The following GBX2 variants were observed in gnomAD, a reference collection of about 807,000 sequenced individuals.
GBX2 encodes the protein homeobox protein GBX-2.
GBX2 carries 5 observed loss-of-function variants against 22.4 expected under a neutral mutation model. The observed-to-expected ratio is 0.22, with a 90% CI of 0.12 to 0.47. GBX2 has a LOEUF of 0.47. GBX2 is among the 20% of genes least tolerant of loss of function. The probability of loss-of-function intolerance (pLI) is 0.99; values close to 1 mark genes in which losing one functional copy is unlikely to be tolerated. For missense variants in GBX2, 470 were observed against 495.4 expected (o/e 0.95, Z 0.49); for synonymous variants, 220 against 230.5 (o/e 0.95, Z 0.41).
chr2:236,165,182 C>A (rs2060231151), downstream of GBX2: 1 of 152,196 alleles, frequency 6.6e-6, no homozygotes, highest in South Asian at 2.1e-4. Context: ...CCCGGCCACA[C>A]CCTGGCAGTG....
At chr2:236,165,046 G>T (rs892503760), downstream of GBX2, among the ~76,000 whole-genome samples, 1 of 152,138 alleles carries the variant, frequency 6.6e-6, no homozygotes, top group African/African-American at 2.4e-5. Context: ...TCTTAAATTC[G>T]TAATCCTATC....
Position 236,165,971 on chromosome 2 carries a change from G to A in GBX2, c.990C>T (p.His330=), listed in dbSNP as rs1480943825. 2 of 1,614,162 alleles carry A rather than the reference G, an allele frequency of 1.2e-6. No homozygotes were observed. Among genetic ancestry groups the A allele is most frequent in the Non-Finnish European group, 1.7e-6 (2 of 1,180,006 alleles). Reference sequence around the variant, plus strand: ...GACTTCTGATAGCGAACCTGCTGACGTGGACAGGGATGGGGACGACGATCT... The same window carrying A: ...GACTTCTGATAGCGAACCTGCTGACATGGACAGGGATGGGGACGACGATCT... ...NPKIVVPIPV[H]VSRFAIRSQH... The change falls in exon 2 of 2, where the codon CAC becomes CAT. Residue 330 remains histidine, a synonymous_variant. Coordinates refer to ENST00000306318, the MANE Select transcript of GBX2 (RefSeq NM_001485.4).
At chr2:236,163,765 T>C (rs966624011), downstream of GBX2, among the ~76,000 whole-genome samples, 3 of 152,124 alleles carry the variant, frequency 2.0e-5, no homozygotes, top group African/African-American at 7.2e-5. Context: ...GGCCAGTGGG[T>C]ACCTGCCCCG....
chr2:236,167,426 G>A (rs1207789297), intron 1 of GBX2, 23 bp downstream of exon 1: 16 of 1,455,604 alleles, frequency 1.1e-5, no homozygotes, highest in South Asian at 4.0e-5. Context: ...CCCTCGTCCC[G>A]GCTGCGCGCG....
At chr2:236,162,210 C>T (rs184889857), downstream of GBX2, among the ~76,000 whole-genome samples, 16 of 152,214 alleles carry the variant, frequency 1.1e-4, no homozygotes, top group East Asian at 1.9e-4. Flanking sequence ...GAAGGCCAGA[C>T]GCACAGACAG....
Position 236,167,871 on chromosome 2 carries a change from G to T in GBX2, c.101C>A (p.Pro34His). 1.3e-6 allele frequency: 2 copies of T among 1,546,950 alleles called. No individual in the cohort carries two copies. The highest frequency in any genetic ancestry group is 1.4e-5 in the African/African-American group (1 of 70,196). Residue 34 changes from proline (P) to histidine (H), a missense_variant, in exon 1 of 2, where the codon CCC (proline) becomes CAC (histidine). Physicochemically the swap from Pro to His is moderately conservative, Grantham distance 77. Coordinates refer to ENST00000306318, the MANE Select transcript of GBX2 (RefSeq NM_001485.4). ...IDSLIGSPPQ[P>H]SPGHFVYTGY... The stretch of plus-strand genomic sequence containing the variant: ...GGTGTAGACGAAATGGCCGGGGCTG[G>T]GCTGCGGCGGGCTGCCGATCAGCGA...
chr2:236,166,530 C>T lies in GBX2; in HGVS notation c.524-93G>A. ...TCATTTGGACATTCCGCGCCCCCCG[C>T]CCCCCACCCTTTAGCGGATTGTCTT... On this transcript the variant is annotated intron_variant, in intron 1 of 1. Coordinates refer to ENST00000306318, the MANE Select transcript of GBX2 (RefSeq NM_001485.4). This position sits in a 1 kb window ranked among gnomAD's most constrained non-coding sequence, Gnocchi z 6.6. 1 of 1,109,286 alleles carries T rather than the reference C, an allele frequency of 9.0e-7. No homozygotes were observed. The highest frequency in any genetic ancestry group is 1.3e-6 in the Non-Finnish European group (1 of 759,148). 68.7% of individuals were successfully genotyped at this position (1,109,286 alleles called of 1,614,324 possible).
At position 236,168,246 on chromosome 2, in the gene GBX2, C is replaced by A; in HGVS notation, c.-275G>T. ...CCGTCCGCCGCTTGCCCGTCGGAGC[C>A]CGCGCGCTTCGCGGGTTTGGCCCTC... On this transcript the variant is annotated 5_prime_UTR_variant, in exon 1 of 2. Transcript: ENST00000306318. 1 of 219,304 alleles carries A rather than the reference C, an allele frequency of 4.6e-6. No individual in the cohort carries two copies. Among genetic ancestry groups the A allele is most frequent in the Non-Finnish European group, 8.9e-6 (1 of 112,538 alleles). The allele number at this position is 219,304 out of a possible 1,614,324, so 13.6% of individuals were successfully genotyped here. A position where few individuals can be genotyped will look rare whatever the true frequency, so the allele number is the denominator to read the frequency against.
Position 236,165,999 on chromosome 2 carries a change from G to T in GBX2, c.962C>A (p.Pro321His), listed in dbSNP as rs374921067. Residue 321 changes from proline (P) to histidine (H), a missense_variant, in exon 2 of 2, where the codon CCT becomes CAT. By Grantham distance (77) the Pro-to-His change is moderately conservative. Transcript: ENST00000306318. ...NSKTGEPSRNPKIVVPIPVHV... is the reference protein window; with the variant it reads ...NSKTGEPSRNHKIVVPIPVHV... ...GACAGGGATGGGGACGACGATCTTA[G>T]GGTTCCGGGAGGGCTCCCCTGTCTT... is the stretch of plus-strand genomic sequence containing the variant. The T allele has an allele frequency of 6.2e-6, 10 of 1,614,074 alleles. No homozygotes were observed. Among genetic ancestry groups the T allele is most frequent in the Non-Finnish European group, 7.6e-6 (9 of 1,180,032 alleles).
chr2:236,161,833 T>C (rs1488906770), downstream of GBX2, among the ~76,000 whole-genome samples: 3 of 152,202 alleles, frequency 2.0e-5, no homozygotes, highest in African/African-American at 7.2e-5. Flanking sequence ...CGAGAGGGTC[T>C]CTGCTGCCCG....
Position 236,166,101 on chromosome 2 carries a change from C to A in GBX2, c.860G>T (p.Ser287Ile). 1 of 1,614,240 alleles carries A rather than the reference C, an allele frequency of 6.2e-7. No homozygotes were observed. The highest frequency in any genetic ancestry group is 8.5e-7 in the Non-Finnish European group (1 of 1,180,046). Residue 287 changes from serine (S) to isoleucine (I), a missense_variant, in exon 2 of 2, where the codon AGC becomes ATC. Ser to Ile is a moderately radical substitution (Grantham distance 142). Around this residue, in one of 4 missense-constraint regions of GBX2, gnomAD observed 40 missense variants for 55.1 expected, o/e 0.73. Coordinates refer to ENST00000306318, the MANE Select transcript of GBX2 (RefSeq NM_001485.4). This position sits in a 1 kb window ranked among gnomAD's most constrained non-coding sequence, Gnocchi z 6.6. ...GAACCAGATTTTCACCTGCACCTCGCTGAGTTTGAGGGCGTGGGCGATCTG... is the reference window on the plus strand; with the variant it reads ...GAACCAGATTTTCACCTGCACCTCGATGAGTTTGAGGGCGTGGGCGATCTG... ...RSQIAHALKL[S>I]EVQVKIWFQN... is the part of the protein sequence containing the mutation.
At chr2:236,167,385 C>T in intron 1 of GBX2, 64 bp downstream of exon 1, 1 of 1,406,080 alleles carries the variant, frequency 7.1e-7, no homozygotes, top group African/African-American at 1.5e-5. Context: ...CGCGGGAACC[C>T]GGCGCTGGCC....
At chr2:236,167,417 C>G (rs2060246740) in intron 1 of GBX2, 32 bp downstream of exon 1, 1 of 1,469,568 alleles carries the variant, frequency 6.8e-7, no homozygotes, top group Non-Finnish European at 8.9e-7. Context: ...CCTCCCGCCC[C>G]CTCGTCCCGG....
In GBX2 at chr2:236,168,116, G is replaced by T; in HGVS notation, c.-145C>A. Reference sequence around the variant, plus strand: ...GGAGAGCAGACGCCTCCGCCCCTCAGTCCTGGGCCCGCTGCATGCCGGGCG... The same window carrying T: ...GGAGAGCAGACGCCTCCGCCCCTCATTCCTGGGCCCGCTGCATGCCGGGCG... On this transcript the variant is annotated 5_prime_UTR_variant, in exon 1 of 2. It adds an upstream start codon to the 5' untranslated region. Transcript: ENST00000306318. The T allele has an allele frequency of 1.2e-6, 1 of 828,638 alleles. No individual in the cohort carries two copies. The highest frequency in any genetic ancestry group is 1.6e-6 in the Non-Finnish European group (1 of 615,274). 51.3% of individuals were successfully genotyped at this position (828,638 alleles called of 1,614,324 possible). A position where few individuals can be genotyped will look rare whatever the true frequency, so the allele number is the denominator to read the frequency against.
chr2:236,166,624 A>G lies in GBX2; in HGVS notation c.524-187T>C, dbSNP rs2060240807. On this transcript the variant is annotated intron_variant, in intron 1 of 1. Coordinates refer to ENST00000306318, the MANE Select transcript of GBX2 (RefSeq NM_001485.4). The surrounding 1 kb of genome is among the most constrained non-coding windows in gnomAD (Gnocchi z 6.6). ...AGAGGAGGGGTGGGGGGAGCGTGAG[A>G]AAGCTCAAAGGAGAGGAGGCAGTAC... is the stretch of plus-strand genomic sequence containing the variant. Among the ~76,000 whole-genome samples, 1 of 151,232 alleles carries G rather than the reference A, an allele frequency of 6.6e-6. No homozygotes were observed.
In GBX2 at chr2:236,166,046, C is replaced by CA; in HGVS notation, c.914dup (p.Lys306GlufsTer17). 1 of 1,614,244 alleles carries CA rather than the reference C, an allele frequency of 6.2e-7. No individual in the cohort carries two copies. Among genetic ancestry groups the CA allele is most frequent in the Non-Finnish European group, 8.5e-7 (1 of 1,180,048 alleles). ...TCTTGGAATTGGCATTGCCTGCCTT[C>CA]ACCCGTTTCCACTTGGCCCGTCGGT... On this transcript the variant is annotated frameshift_variant, in exon 2 of 2. Transcript: ENST00000306318. LOFTEE classifies it high-confidence loss of function. This position sits in a 1 kb window ranked among gnomAD's most constrained non-coding sequence, Gnocchi z 6.6.
At chr2:236,164,643 C>A (rs992375902), downstream of GBX2, among the ~76,000 whole-genome samples, 2 of 152,152 alleles carry the variant, frequency 1.3e-5, no homozygotes, top group African/African-American at 4.8e-5. Flanking sequence ...GTCCCGCCCC[C>A]TCGACCCCGC....
chr2:236,164,913 C>T (rs1168648294), downstream of GBX2, among the ~76,000 whole-genome samples: 1 of 152,206 alleles, frequency 6.6e-6, no homozygotes, highest in Non-Finnish European at 1.5e-5. Flanking sequence ...GCCACCAATA[C>T]CCGCACTCGC....
Position 236,167,963 on chromosome 2 carries a change from T to A in GBX2, c.9A>T (p.Ala3=). Residue 3 remains alanine (A), a synonymous_variant, in exon 1 of 2, where the codon GCA becomes GCT. Coordinates refer to ENST00000306318, the MANE Select transcript of GBX2 (RefSeq NM_001485.4). The part of the protein sequence containing the change: MS[A]AFPPSLMMMQ... ...TCATCATCAGCGACGGCGGGAACGC[T>A]GCGCTCATAGACGCGCTCGGTAGAG... 1 of 1,557,412 alleles carries A rather than the reference T, an allele frequency of 6.4e-7. No homozygotes were observed. The highest frequency in any genetic ancestry group is 8.7e-7 in the Non-Finnish European group (1 of 1,154,116).
Sources: gnomAD v4.1 joint callset for allele counts (sites outside exome capture counted in the v4.1 genomes callset) on GRCh38, gnomAD v4.1.1 for gene constraint, gnomAD v4.1.1 regional missense constraint, Gnocchi (gnomAD v3.1) non-coding constraint, MANE v1.5 for transcripts, NCBI Gene and HGNC (gene_info 2026-07-23, HGNC 2026-07-21) for gene names.